The following GUF1 variants were observed in gnomAD, a reference collection of about 807,000 sequenced individuals.
GUF1 encodes the protein GTP binding elongation factor GUF1, also known as translation factor GUF1, mitochondrial.
A neutral mutation model predicts 82.4 loss-of-function variants in GUF1; 78 were observed. That is an observed-to-expected ratio of 0.95 (90% CI 0.79 to 1.14). The LOEUF is 1.14. Among genes scored for constraint, GUF1 ranks in the 50% most tolerant of loss-of-function variants. The pLI is 0.00. For synonymous variants in GUF1, 279 were observed against 282.3 expected (o/e 0.99, Z 0.12); for missense variants, 814 against 798.2 (o/e 1.02, Z -0.24).
chr4:44,680,740 G>C lies in GUF1; in HGVS notation c.324G>C (p.Leu108Phe). Reference protein sequence around the residue: ...TKNNKQVLDKLQVERERGITV... With the variant: ...TKNNKQVLDKFQVERERGITV... The stretch of plus-strand genomic sequence containing the variant: ...ATAATAAGCAGGTTCTTGATAAATT[G>C]CAAGTGGAACGAGAAAGAGGAATCA... The change falls in exon 3 of 17, where the codon TTG (leucine) becomes TTC (phenylalanine). Residue 108 changes from leucine (L) to phenylalanine (F), a missense_variant. Leu to Phe is a conservative substitution (Grantham distance 22). Coordinates refer to ENST00000281543, the MANE Select transcript of GUF1 (RefSeq NM_021927.3). 1 of 1,610,770 alleles carries C rather than the reference G, an allele frequency of 6.2e-7. No homozygotes were observed. The highest frequency in any genetic ancestry group is 8.5e-7 in the Non-Finnish European group (1 of 1,177,824).
At chr4:44,679,593 G>T (rs902348467) in intron 1 of GUF1, among the ~76,000 whole-genome samples, 1 of 152,132 alleles carries the variant, frequency 6.6e-6, no homozygotes, top group Non-Finnish European at 1.5e-5. Flanking sequence ...TGAAGGGAAA[G>T]AAAATCTACA....
At chr4:44,694,815 GT>G (rs57336361) in intron 14 of GUF1, among the ~76,000 whole-genome samples, 2 of 147,796 alleles carry the variant, frequency 1.4e-5, no homozygotes, top group Non-Finnish European at 3.0e-5. Context: ...GTTTTGTTTT[GT>G]TTTTTTTTTA....
At chr4:44,690,095 TAAAC>T (rs1715339273) in intron 11 of GUF1, 120 bp downstream of exon 11, 2 of 589,588 alleles carry the variant, frequency 3.4e-6, no homozygotes, top group Non-Finnish European at 5.2e-6. Flanking sequence ...GATTAAGTAT[TAAAC>T]AAAATATTTA....
chr4:44,700,079 T>G lies in GUF1; in HGVS notation c.*1398T>G, dbSNP rs1716126813. The G allele has an allele frequency of 6.6e-6, 1 of 152,168 alleles. No homozygotes were observed. The highest frequency in any genetic ancestry group is 1.5e-5 in the Non-Finnish European group (1 of 68,038). The allele number at this position is 152,168 out of a possible 1,614,324, so 9.4% of individuals were successfully genotyped here. On this transcript the variant is annotated 3_prime_UTR_variant, in exon 17 of 17. Coordinates refer to ENST00000281543, the MANE Select transcript of GUF1 (RefSeq NM_021927.3). ...AGCCATTGATTTTTATCTTCTACCT[T>G]GAATGAATTGAATGAAGAAAATGTC...
In GUF1 at chr4:44,688,140, T is replaced by A. The variant is rs1359561191; in HGVS notation, c.1072T>A (p.Phe358Ile). 1 of 1,610,354 alleles carries A rather than the reference T, an allele frequency of 6.2e-7. No individual in the cohort carries two copies. The highest frequency in any genetic ancestry group is 2.2e-5 in the East Asian group (1 of 44,750). Reference sequence around the variant, plus strand: ...GTTTAAATCAGCGAAACCAATGGTATTTGCAGGTGAGGAGTTCACAAATTC... The same window carrying A: ...GTTTAAATCAGCGAAACCAATGGTAATTGCAGGTGAGGAGTTCACAAATTC... ...PGFKSAKPMV[F>I]AGMYPLDQSE... is the part of the protein sequence containing the mutation. The change falls in exon 9 of 17, where the codon TTT (phenylalanine) becomes ATT (isoleucine). Residue 358 changes from phenylalanine to isoleucine, a missense_variant. Coordinates refer to ENST00000281543, the MANE Select transcript of GUF1 (RefSeq NM_021927.3).
chr4:44,691,878 T>G, intron 13 of GUF1, 79 bp downstream of exon 13: 1 of 978,240 alleles, frequency 1.0e-6, no homozygotes, highest in Non-Finnish European at 1.5e-6. Context: ...TAATTCTTCA[T>G]TTATTTAGTA....
intron 10 of GUF1, 136 bp downstream of exon 10, chr4:44,689,545 G>C (rs1715289741): frequency 9.8e-7 from 1 of 1,021,910 alleles, no homozygotes; most frequent in Non-Finnish European, 1.4e-6. Context: ...CATTGTTCTG[G>C]AACATTTACT....
chr4:44,680,440 GGAAAAACTT>G lies in GUF1; in HGVS notation c.168_176del (p.Glu56_Leu58del). On this transcript the variant is annotated inframe_deletion and splice_region_variant, in exon 2 of 17. Transcript: ENST00000281543. ...CTAAATGTGGTATTTCCCCTTTCTA[GGAAAAACTT>G]GACATGTCTAGGTTTCCTGTTGAAA... 1 of 1,523,100 alleles carries G rather than the reference GGAAAAACTT, an allele frequency of 6.6e-7. No homozygotes were observed. Among genetic ancestry groups the G allele is most frequent in the Non-Finnish European group, 9.1e-7 (1 of 1,104,578 alleles). 94.3% of individuals were successfully genotyped at this position (1,523,100 alleles called of 1,614,324 possible).
At chr4:44,691,278 C>A (rs780894292) in intron 12 of GUF1, among the ~76,000 whole-genome samples, 1 of 151,586 alleles carries the variant, frequency 6.6e-6, no homozygotes, top group Non-Finnish European at 1.5e-5. Context: ...CTTAAAAATA[C>A]CTATGTGAAA....
At chr4:44,680,945 C>A in intron 3 of GUF1, 103 bp downstream of exon 3, 1 of 1,183,186 alleles carries the variant, frequency 8.5e-7, no homozygotes. Context: ...AAACATCTGC[C>A]TTTGCTTTTT....
chr4:44,696,272 G>A (rs1017996167), intron 15 of GUF1, among the ~76,000 whole-genome samples: 1 of 151,994 alleles, frequency 6.6e-6, no homozygotes, highest in African/African-American at 2.4e-5. Context: ...AATTTGTGTC[G>A]GACACTAGTC....
In GUF1 at chr4:44,695,685, G is replaced by C; in HGVS notation, c.1786G>C (p.Glu596Gln). The change falls in exon 15 of 17, where the codon GAG becomes CAG. Residue 596 changes from glutamate to glutamine, a missense_variant. By Grantham distance (29) the Glu-to-Gln change is conservative (BLOSUM62 2). Coordinates refer to ENST00000281543, the MANE Select transcript of GUF1 (RefSeq NM_021927.3). ...GGATTCTCTTCCTAGGCAACTGTTT[G>C]AGATAGCAATTCAAGCTGCTATTGG... ...LKDSLPRQLF[E>Q]IAIQAAIGSK... The C allele has an allele frequency of 6.2e-7, 1 of 1,613,232 alleles. No individual in the cohort carries two copies. The highest frequency in any genetic ancestry group is 1.1e-5 in the South Asian group (1 of 91,016).
Position 44,689,419 on chromosome 4 carries a change from A to G in GUF1, c.1202+10A>G, listed in dbSNP as rs1715282815. 1.3e-6 allele frequency: 2 copies of G among 1,598,140 alleles called. No individual in the cohort carries two copies. The highest frequency in any genetic ancestry group is 1.7e-5 in the Admixed American group (1 of 57,692). Reference sequence around the variant, plus strand: ...TGGGTGCTGGCTGGAGGTAAGATTCATTCACATGTGTTTTATAGGAAAGGG... The same window carrying G: ...TGGGTGCTGGCTGGAGGTAAGATTCGTTCACATGTGTTTTATAGGAAAGGG... On this transcript the variant is annotated intron_variant, in intron 10 of 16. Transcript: ENST00000281543.
rs747316677 is a variant in GUF1 at position 44,690,849 on chromosome 4, ATGCTT to A, written c.1472_1476del (p.Leu491ArgfsTer14). ...AGATGAATACACTGGAAAAATAATG[ATGCTT>A]TGCGAGGTATAACTATAATACAATT... On this transcript the variant is annotated frameshift_variant, in exon 12 of 17. Transcript: ENST00000281543. LOFTEE classifies it high-confidence loss of function. 34 of 1,597,202 alleles carry A rather than the reference ATGCTT, an allele frequency of 2.1e-5. No individual in the cohort carries two copies. In the East Asian group the frequency reaches 7.4e-4, roughly 35 times the overall value.
At position 44,693,689 on chromosome 4, in the gene GUF1, T is replaced by A. The variant is rs150212931; in HGVS notation, c.1614-723T>A. Among the ~76,000 whole-genome samples the A allele has an allele frequency of 1.0e-3, 153 of 152,270 alleles. 1 individual carries two copies. The highest frequency in any genetic ancestry group is 3.5e-3 in the African/African-American group (144 of 41,580). On this transcript the variant is annotated intron_variant, in intron 13 of 16. Transcript: ENST00000281543. ...TATTCTTGTCTGTGATTGGGACAAC[T>A]TGTAAGCCTAATTGAAATTTTCTTT... is the stretch of plus-strand genomic sequence containing the variant.
intron 8 of GUF1, among the ~76,000 whole-genome samples, chr4:44,687,507 A>AT (rs879655725): frequency 0.016 from 2,354 of 147,374 alleles, 51 homozygotes; most frequent in African/African-American, 0.049. Flanking sequence ...TTTTGTAGGG[A>AT]TTTTTTTTTT....
At position 44,698,930 on chromosome 4, in the gene GUF1, A is replaced by G; in HGVS notation, c.*249A>G. The G allele has an allele frequency of 2.8e-6, 1 of 358,366 alleles. No individual in the cohort carries two copies. Among genetic ancestry groups the G allele is most frequent in the Non-Finnish European group, 5.0e-6 (1 of 198,468 alleles). 22.2% of individuals were successfully genotyped at this position (358,366 alleles called of 1,614,324 possible). Reference sequence around the variant, plus strand: ...CCAGATTAACCTTTGTTTCCTCTTCAGTAAAATCGAGATTATACTACTACC... The same window carrying G: ...CCAGATTAACCTTTGTTTCCTCTTCGGTAAAATCGAGATTATACTACTACC... On this transcript the variant is annotated 3_prime_UTR_variant, in exon 17 of 17. Transcript: ENST00000281543.
chr4:44,680,719 TA>T lies in GUF1; in HGVS notation c.305del (p.Lys102SerfsTer35). On this transcript the variant is annotated frameshift_variant, in exon 3 of 17. Transcript: ENST00000281543. LOFTEE classifies it high-confidence loss of function. The stretch of plus-strand genomic sequence containing the variant: ...GGACAATTGATAAAACAAAGAATAA[TA>T]AGCAGGTTCTTGATAAATTGCAAGT... ...TGTIDKTKNN[K>X]QVLDKLQVER... The T allele has an allele frequency of 6.2e-7, 1 of 1,606,416 alleles. No homozygotes were observed. Among genetic ancestry groups the T allele is most frequent in the Non-Finnish European group, 8.5e-7 (1 of 1,174,848 alleles).
intron 14 of GUF1, among the ~76,000 whole-genome samples, chr4:44,695,241 ATGTC>A (rs889655729): frequency 2.6e-5 from 4 of 152,252 alleles, no homozygotes; most frequent in African/African-American, 9.6e-5. Context: ...TGACATAAAA[ATGTC>A]TGTTAAATAT....
Sources: allele counts gnomAD v4.1 joint callset (sites outside exome capture counted in the v4.1 genomes callset), GRCh38; gene constraint gnomAD v4.1.1; transcripts MANE v1.5; gene names NCBI Gene and HGNC (gene_info 2026-07-23, HGNC 2026-07-21).